SREBF2: variants seen among roughly 807,000 people sequenced by gnomAD.
SREBF2 encodes the protein sterol regulatory element-binding protein 2.
A neutral mutation model predicts 113.1 loss-of-function variants in SREBF2; 55 were observed. The ratio of observed to expected loss-of-function variants is 0.49; its 90% CI spans 0.39 to 0.61. The LOEUF is 0.61. Among genes scored for constraint, SREBF2 ranks in the 20% least tolerant of loss-of-function variants. The pLI, the probability that SREBF2 is intolerant of heterozygous loss-of-function variation, is 0.00. For missense variants in SREBF2, 1,349 were observed against 1,487.4 expected (o/e 0.91, Z 1.53); for synonymous variants, 593 against 605.7 (o/e 0.98, Z 0.31).
In SREBF2 at chr22:41,905,891, A is replaced by C. The variant is rs2077504377; in HGVS notation, c.*231A>C. ...GTGAGAGGATAGGTGGCAGGGCAGA[A>C]ACTGGGCAGCCCTGACTTGATAGCA... On this transcript the variant is annotated 3_prime_UTR_variant, in exon 19 of 19. Coordinates refer to ENST00000361204, the MANE Select transcript of SREBF2 (RefSeq NM_004599.4). The C allele has an allele frequency of 1.4e-6, 1 of 689,856 alleles. No individual in the cohort carries two copies. The highest frequency in any genetic ancestry group is 1.8e-5 in the African/African-American group (1 of 57,132). The allele number at this position is 689,856 out of a possible 1,614,324, so 42.7% of individuals were successfully genotyped here.
intron 13 of SREBF2, 27 bp downstream of exon 13, chr22:41,894,964 C>G (rs1207338594): frequency 3.1e-6 from 5 of 1,589,832 alleles, no homozygotes; most frequent in Middle Eastern, 1.7e-4. Context: ...AGTCCCCCTG[C>G]CTTAGGACCT....
In SREBF2 at chr22:41,861,016, C is replaced by T. The variant is rs78515603; in HGVS notation, c.89-5815C>T. On this transcript the variant is annotated intron_variant, in intron 1 of 18. Transcript: ENST00000361204. ...TGGGACTCTGAAAAGGATGATGTTA[C>T]GTCTGTAATGGTTGACACTGAATGT... Among the ~76,000 whole-genome samples, 802 of 152,292 alleles carry T rather than the reference C, an allele frequency of 5.3e-3. 4 individuals carry two copies. Among genetic ancestry groups the T allele is most frequent in the Non-Finnish European group, 8.8e-3 (596 of 68,036 alleles).
rs1347026118 is a variant in SREBF2 at position 41,880,972 on chromosome 22, T to C, written c.2018T>C (p.Leu673Pro). 6.2e-7 allele frequency: 1 copy of C among 1,608,522 alleles called. No homozygotes were observed. The change falls in exon 10 of 19, where the codon CTG becomes CCG. Residue 673 changes from leucine to proline, a missense_variant. Coordinates refer to ENST00000361204, the MANE Select transcript of SREBF2 (RefSeq NM_004599.4). ...ARDAALAYHR[L>P]HQLHITGKLP... ...GATGCGGCTCTGGCCTATCACCGGC[T>C]GCACCAGCTGCACATCACAGGTGAG...
rs148129330 is a variant in SREBF2, at chr22:41,858,177, G to A, written c.89-8654G>A. On this transcript the variant is annotated intron_variant, in intron 1 of 18. Transcript: ENST00000361204. Reference sequence around the variant, plus strand: ...TTTTGCATTTACCTCCCTCACTGGTGTGGTCCATCTCATTTTCAGTGGCCT... The same window carrying A: ...TTTTGCATTTACCTCCCTCACTGGTATGGTCCATCTCATTTTCAGTGGCCT... 1.0e-3 allele frequency among the ~76,000 whole-genome samples: 153 copies of A among 152,276 alleles called. 1 individual carries two copies. The highest frequency in any genetic ancestry group is 3.6e-3 in the African/African-American group (151 of 41,554).
chr22:41,847,516 C>T (rs1228699547), intron 1 of SREBF2, among the ~76,000 whole-genome samples: 1 of 152,324 alleles, frequency 6.6e-6, no homozygotes, highest in South Asian at 2.1e-4. Flanking sequence ...TCTACTCATT[C>T]GTGAATGAAG....
At position 41,905,918 on chromosome 22, in the gene SREBF2, CA is replaced by C. The variant is rs2077504674; in HGVS notation, c.*259del. ...CTGGGCAGCCCTGACTTGATAGCAG[CA>C]GGGGGAGCTCCCAAGCTGCCAAGCC... is the stretch of plus-strand genomic sequence containing the variant. On this transcript the variant is annotated 3_prime_UTR_variant, in exon 19 of 19. Transcript: ENST00000361204. 2 of 664,060 alleles carry C rather than the reference CA, an allele frequency of 3.0e-6. No homozygotes were observed. Among genetic ancestry groups the C allele is most frequent in the Non-Finnish European group, 5.5e-6 (2 of 361,030 alleles). 41.1% of individuals were successfully genotyped at this position (664,060 alleles called of 1,614,324 possible).
Position 41,873,845 on chromosome 22 carries a change from G to C in SREBF2, c.915G>C (p.Met305Ile), listed in dbSNP as rs575156389. The C allele has an allele frequency of 8.7e-6, 14 of 1,613,050 alleles. No individual in the cohort carries two copies. In the South Asian group the frequency reaches 1.1e-4, roughly 13 times the overall value. ...SGTILTTMPV[M>I]MGQEKVPIKQ... ...CCATTCTGACCACAATGCCTGTAAT[G>C]ATGGGGCAAGAGAAAGTGCCCATTA... The change falls in exon 5 of 19, where the codon ATG (methionine) becomes ATC (isoleucine). Residue 305 changes from methionine to isoleucine, a missense_variant. Transcript: ENST00000361204.
chr22:41,896,993 A>G, intron 13 of SREBF2, 59 bp from the exon 14 acceptor site: 3 of 1,214,868 alleles, frequency 2.5e-6, no homozygotes, highest in Non-Finnish European at 3.6e-6. Flanking sequence ...CAGCTAGGCC[A>G]TGAGGTGGGC....
At chr22:41,859,707 C>G (rs2077007858) in intron 1 of SREBF2, among the ~76,000 whole-genome samples, 1 of 150,224 alleles carries the variant, frequency 6.7e-6, no homozygotes, top group East Asian at 1.9e-4. Context: ...CGTGAGTTAG[C>G]TGTAATTGTT....
chr22:41,880,843 A>G lies in SREBF2; in HGVS notation c.1889A>G (p.Lys630Arg). 2.5e-6 allele frequency: 4 copies of G among 1,614,126 alleles called. No homozygotes were observed. The South Asian group carries it at 4.4e-5, about 18-fold the overall frequency. The change falls in exon 10 of 19, where the codon AAG (lysine) becomes AGG (arginine). Residue 630 changes from lysine (K) to arginine (R), a missense_variant. This residue lies in a region of SREBF2 where 699 missense variants were observed against 843.3 expected (regional missense o/e 0.83). Transcript: ENST00000361204. ...SWNVIRYSLQ[K>R]LRLVRWLLKK... ...AACGTGATCCGCTACAGCCTGCAGA[A>G]GCTACGCCTGGTGCGCTGGCTGCTC... is the stretch of plus-strand genomic sequence containing the variant.
chr22:41,900,823 G>C (rs1007368796), intron 16 of SREBF2: 1 of 512,474 alleles, frequency 2.0e-6, no homozygotes, highest in Non-Finnish European at 3.8e-6. Flanking sequence ...AGCGGTTTGC[G>C]TGACTTCCCA....
Position 41,833,415 on chromosome 22 carries a change from G to A in SREBF2, c.88+57G>A, listed in dbSNP as rs1272849995. On this transcript the variant is annotated intron_variant, in intron 1 of 18. Transcript: ENST00000361204. The surrounding 1 kb of genome is among the most constrained non-coding windows in gnomAD (Gnocchi z 4.1). ...CGCGCGGGGAGGAAGGGGTTACGGC[G>A]GCGCGCCCGGGTGCGCGTGCGCCCA... The A allele has an allele frequency of 1.4e-6, 2 of 1,462,368 alleles. No homozygotes were observed. The highest frequency in any genetic ancestry group is 2.7e-5 in the East Asian group (1 of 37,290). 90.6% of individuals were successfully genotyped at this position (1,462,368 alleles called of 1,614,324 possible). A position where few individuals can be genotyped will look rare whatever the true frequency, so the allele number is the denominator to read the frequency against.
Position 41,903,010 on chromosome 22 carries a change from G to A in SREBF2, c.2948G>A (p.Arg983Gln), listed in dbSNP as rs1024973713. ...LLTCDLLLSL[R>Q]TALWQKQASA... ...ACCTGTGACCTGCTACTGTCGCTAC[G>A]GACAGCGCTCTGGCAAAAACAGGCC... The change falls in exon 17 of 19, where the codon CGG (arginine) becomes CAG (glutamine). Residue 983 changes from arginine (R) to glutamine (Q), a missense_variant. Around this residue, in one of 2 missense-constraint regions of SREBF2, gnomAD observed 650 missense variants for 644.1 expected, o/e 1.01. Transcript: ENST00000361204. 6 of 1,611,422 alleles carry A rather than the reference G, an allele frequency of 3.7e-6. No homozygotes were observed. The highest frequency in any genetic ancestry group is 1.7e-5 in the Admixed American group (1 of 59,830).
At chr22:41,864,563 G>A (rs1024820596) in intron 1 of SREBF2, among the ~76,000 whole-genome samples, 3 of 150,218 alleles carry the variant, frequency 2.0e-5, no homozygotes, top group South Asian at 4.2e-4. Context: ...CTTGTGATCC[G>A]CACGCCTTGG....
chr22:41,904,808 G>A, intron 17 of SREBF2, 55 bp from the exon 18 acceptor site: 2 of 1,380,700 alleles, frequency 1.4e-6, no homozygotes, highest in Admixed American at 2.0e-5. Context: ...GCTACCCTGG[G>A]CATAGATGGG....
At chr22:41,874,972 C>T (rs1156808337) in intron 5 of SREBF2, among the ~76,000 whole-genome samples, 1 of 151,108 alleles carries the variant, frequency 6.6e-6, no homozygotes. Flanking sequence ...CATTTGTTTT[C>T]GTTAAAGTTT....
chr22:41,892,246 G>C, intron 11 of SREBF2, among the ~76,000 whole-genome samples: 1 of 152,326 alleles, frequency 6.6e-6, no homozygotes, highest in South Asian at 2.1e-4. Context: ...CCTGACGGCT[G>C]GCCATGTGCC....
chr22:41,896,425 T>A (rs1363243021), intron 13 of SREBF2, among the ~76,000 whole-genome samples: 2 of 152,112 alleles, frequency 1.3e-5, no homozygotes, highest in African/African-American at 2.4e-5. Flanking sequence ...AGTGGTACAG[T>A]CTTGGCTCAC....
rs890782283 is a variant in SREBF2, at chr22:41,884,691, G to T, written c.2039-151G>T. 5 of 802,820 alleles carry T rather than the reference G, an allele frequency of 6.2e-6. No individual in the cohort carries two copies. The African/African-American group carries it at 6.8e-5, about 11-fold the overall frequency. 49.7% of individuals were successfully genotyped at this position (802,820 alleles called of 1,614,324 possible). A position where few individuals can be genotyped will look rare whatever the true frequency, so the allele number is the denominator to read the frequency against. On this transcript the variant is annotated intron_variant, in intron 10 of 18. Transcript: ENST00000361204. ...CACAGCCAGTATATCACAGAGCCTG[G>T]CATCCCATCCTGTGATCAGGCCTGT...
Sources: allele counts gnomAD v4.1 joint callset (sites outside exome capture counted in the v4.1 genomes callset), GRCh38; gene constraint gnomAD v4.1.1; regional missense constraint gnomAD v4.1.1; non-coding constraint Gnocchi (gnomAD v3.1); transcripts MANE v1.5; gene names NCBI Gene and HGNC (gene_info 2026-07-23, HGNC 2026-07-21).